CSMD1: variants seen among roughly 807,000 people sequenced by gnomAD.
CSMD1 encodes CUB and sushi domain-containing protein 1.
A neutral mutation model predicts 417.5 loss-of-function variants in CSMD1; 213 were observed. The observed-to-expected ratio is 0.51, with a 90% CI of 0.46 to 0.57. The LOEUF (loss-of-function observed/expected upper bound fraction) is 0.57, where lower values mean the gene tolerates loss of function less well. CSMD1 is among the 20% of genes least tolerant of loss of function. The pLI is 0.00. For missense variants in CSMD1, 6,923 were observed against 4,529.7 expected (o/e 1.53, Z -15.17); for synonymous variants, 2,862 against 1,736.8 (o/e 1.65, Z -16.11).
chr8:4,358,456 G>A (rs1801560456), intron 3 of CSMD1, among the ~76,000 whole-genome samples: 1 of 152,182 alleles, frequency 6.6e-6, no homozygotes, highest in African/African-American at 2.4e-5. Context: ...TCGGCCTGGG[G>A]GGAGCTGCCA....
chr8:4,488,942 T>C (rs367940677), intron 2 of CSMD1, among the ~76,000 whole-genome samples: 1 of 152,194 alleles, frequency 6.6e-6, no homozygotes, highest in Admixed American at 6.5e-5. Flanking sequence ...GACTGAGTCT[T>C]GCTCTTTCAC....
At chr8:4,143,113 C>A (rs1455007305) in intron 3 of CSMD1, among the ~76,000 whole-genome samples, 1 of 139,930 alleles carries the variant, frequency 7.1e-6, no homozygotes, top group East Asian at 2.0e-4. Context: ...ACTTGGGAAA[C>A]TATGGAGGAT....
chr8:3,585,352 A>G (rs1172673341), intron 9 of CSMD1, among the ~76,000 whole-genome samples: 1 of 152,200 alleles, frequency 6.6e-6, no homozygotes, highest in African/African-American at 2.4e-5. Flanking sequence ...CTTACATATG[A>G]AGCTTTCCTT....
chr8:4,762,423 C>A (rs1812172612), intron 1 of CSMD1, among the ~76,000 whole-genome samples: 1 of 152,060 alleles, frequency 6.6e-6, no homozygotes, highest in African/African-American at 2.4e-5. Flanking sequence ...TATTTTCATG[C>A]TATATCAAAC....
intron 3 of CSMD1, among the ~76,000 whole-genome samples, chr8:4,303,388 T>G (rs1029741387): frequency 6.6e-6 from 1 of 151,364 alleles, no homozygotes; most frequent in African/African-American, 2.4e-5. Flanking sequence ...TAATTTTTTA[T>G]TCATTGTCTC....
intron 3 of CSMD1, among the ~76,000 whole-genome samples, chr8:4,257,449 ATTCC>A (rs1290161607): frequency 3.3e-5 from 5 of 152,164 alleles, no homozygotes; most frequent in African/African-American, 9.7e-5. Context: ...CTTATTAAGA[ATTCC>A]TTCCTTAATA....
At chr8:4,748,616 T>A (rs1411416111) in intron 1 of CSMD1, among the ~76,000 whole-genome samples, 1 of 152,234 alleles carries the variant, frequency 6.6e-6, no homozygotes, top group South Asian at 2.1e-4. Flanking sequence ...AGTGTTTTCA[T>A]TCTAAATTAT....
chr8:3,771,987 T>C (rs1466082007), intron 5 of CSMD1, among the ~76,000 whole-genome samples: 1 of 151,952 alleles, frequency 6.6e-6, no homozygotes, highest in Non-Finnish European at 1.5e-5. Context: ...TATCCAATTC[T>C]GGGCTGGTGA....
chr8:4,464,071 G>A lies in CSMD1; in HGVS notation c.303-44006C>T, dbSNP rs997148141. Among the ~76,000 whole-genome samples, 118 of 152,204 alleles carry A rather than the reference G, an allele frequency of 7.8e-4. 1 individual carries two copies. Among genetic ancestry groups the A allele is most frequent in the African/African-American group, 2.7e-3 (113 of 41,544 alleles). ...AAAAAAGGAATATGGTAAGAAGACTGAAAGAAACAGGTTTCTCAGTTTTCT... is the reference window on the plus strand; with the variant it reads ...AAAAAAGGAATATGGTAAGAAGACTAAAAGAAACAGGTTTCTCAGTTTTCT... On this transcript the variant is annotated intron_variant, in intron 2 of 69. Coordinates refer to ENST00000635120, the MANE Select transcript of CSMD1 (RefSeq NM_033225.6).
intron 5 of CSMD1, among the ~76,000 whole-genome samples, chr8:3,775,147 G>C (rs1406449563): frequency 6.6e-6 from 1 of 152,212 alleles, no homozygotes; most frequent in Non-Finnish European, 1.5e-5. Context: ...CTGCAGATAA[G>C]GAGGAACTAC....
chr8:2,947,834 T>A (rs544530441), intron 68 of CSMD1, among the ~76,000 whole-genome samples: 1 of 152,174 alleles, frequency 6.6e-6, no homozygotes, highest in Admixed American at 6.6e-5. Flanking sequence ...CAATTTAACA[T>A]ATAATCTCAG....
intron 28 of CSMD1, among the ~76,000 whole-genome samples, chr8:3,223,326 C>G (rs1391489382): frequency 1.3e-5 from 2 of 152,108 alleles, no homozygotes; most frequent in Non-Finnish European, 2.9e-5. Context: ...ATGATATTAG[C>G]AGTGCTACCC....
At chr8:4,362,260 T>G (rs916632219) in intron 3 of CSMD1, among the ~76,000 whole-genome samples, 1 of 152,132 alleles carries the variant, frequency 6.6e-6, no homozygotes, top group Non-Finnish European at 1.5e-5. Context: ...AGAGGGGATT[T>G]CAACCAGAAC....
At chr8:4,446,344 T>G (rs1798787487) in intron 2 of CSMD1, among the ~76,000 whole-genome samples, 1 of 152,046 alleles carries the variant, frequency 6.6e-6, no homozygotes, top group South Asian at 2.1e-4. Context: ...GCCCAGGAGT[T>G]TGAAACCAGC....
chr8:4,193,867 G>A (rs549039127), intron 3 of CSMD1, among the ~76,000 whole-genome samples: 3 of 151,958 alleles, frequency 2.0e-5, no homozygotes, highest in Non-Finnish European at 2.9e-5. Context: ...TCAGCACCGA[G>A]AAGCCTCAGC....
chr8:3,653,156 G>A (rs1234979352), intron 7 of CSMD1, among the ~76,000 whole-genome samples: 2 of 151,504 alleles, frequency 1.3e-5, no homozygotes, highest in East Asian at 1.9e-4. Context: ...TTTTCAAGTT[G>A]CATATATTTT....
chr8:4,051,257 T>C (rs941523961), intron 3 of CSMD1, among the ~76,000 whole-genome samples: 9 of 151,582 alleles, frequency 5.9e-5, no homozygotes, highest in African/African-American at 2.2e-4. Flanking sequence ...CCTGGATTTC[T>C]TCAACAGTTT....
chr8:4,744,218 C>CG (rs1554466303), intron 1 of CSMD1, among the ~76,000 whole-genome samples: 1 of 151,902 alleles, frequency 6.6e-6, no homozygotes, highest in Non-Finnish European at 1.5e-5. Context: ...TCTGCAGGCT[C>CG]GGGGGGCACA....
intron 5 of CSMD1, among the ~76,000 whole-genome samples, chr8:3,948,672 G>A (rs1039811777): frequency 1.3e-5 from 2 of 152,064 alleles, no homozygotes; most frequent in African/African-American, 4.8e-5. Flanking sequence ...AATAATGGAA[G>A]GACCAATGAG....
Sources: gnomAD v4.1 joint callset for allele counts (sites outside exome capture counted in the v4.1 genomes callset) on GRCh38, gnomAD v4.1.1 for gene constraint, MANE v1.5 for transcripts, NCBI Gene and HGNC (gene_info 2026-07-23, HGNC 2026-07-21) for gene names.